NID2: variants seen among roughly 807,000 people sequenced by gnomAD.
The protein encoded by NID2 is nidogen-2.
Under a neutral mutation model 145.4 loss-of-function variants are expected in NID2, and 83 were observed. That is an observed-to-expected ratio of 0.57 (90% CI 0.48 to 0.69). The LOEUF (loss-of-function observed/expected upper bound fraction) is 0.69, where lower values mean the gene tolerates loss of function less well. Among genes scored for constraint, NID2 ranks in the 30% least tolerant of loss-of-function variants. The pLI is 0.00. For missense variants in NID2, 1,807 were observed against 1,765.7 expected, an observed-to-expected ratio of 1.02 and a Z score of -0.42; for synonymous variants, 739 against 701.3, an observed-to-expected ratio of 1.05 and a Z score of -0.85.
intron 9 of NID2, among the ~76,000 whole-genome samples, chr14:52,032,679 A>G (rs1399009545): frequency 6.6e-6 from 1 of 152,142 alleles, no homozygotes; most frequent in Non-Finnish European, 1.5e-5. Context: ...TTGATTTATA[A>G]ATACTAATGC....
At position 52,067,679 on chromosome 14, in the gene NID2, G is replaced by T. The variant is rs1361124691; in HGVS notation, c.534+179C>A. Among the ~76,000 whole-genome samples, 3 of 152,174 alleles carry T rather than the reference G, an allele frequency of 2.0e-5. No individual in the cohort carries two copies. The East Asian group carries it at 5.8e-4, about 29-fold the overall frequency. Reference sequence around the variant, plus strand: ...GTGACCACCTGCCAGGGCCTCAGAAGATGCCTAGAGACAACGTCTTTCCTC... The same window carrying T: ...GTGACCACCTGCCAGGGCCTCAGAATATGCCTAGAGACAACGTCTTTCCTC... On this transcript the variant is annotated intron_variant, in intron 2 of 21. Coordinates refer to ENST00000216286, the MANE Select transcript of NID2 (RefSeq NM_007361.4).
intron 2 of NID2, among the ~76,000 whole-genome samples, chr14:52,061,280 C>T (rs1893013576): frequency 6.6e-6 from 1 of 152,200 alleles, no homozygotes; most frequent in Non-Finnish European, 1.5e-5. Context: ...GTTCTCTGAA[C>T]CTCTGTAACA....
chr14:52,018,899 C>A (rs1251474671), intron 14 of NID2, among the ~76,000 whole-genome samples, 162 bp downstream of exon 14: 1 of 152,210 alleles, frequency 6.6e-6, no homozygotes, highest in African/African-American at 2.4e-5. Flanking sequence ...GTCCTTATGA[C>A]ACAAACATGC....
rs115253468 is a variant in NID2, at chr14:52,029,727, C to G, written c.2258-37G>C. On this transcript the variant is annotated intron_variant, in intron 9 of 21. Transcript: ENST00000216286. ...GAGGGGAAATAAAAGCACAATCTGG[C>G]TATTGGTAAGCAAATGTCACGGAGA... is the stretch of plus-strand genomic sequence containing the variant. The G allele has an allele frequency of 1.7e-3, 2,660 of 1,591,496 alleles. 34 individuals are homozygous for G. The African/African-American group carries it at 0.031, about 19-fold the overall frequency.
intron 8 of NID2, among the ~76,000 whole-genome samples, chr14:52,039,367 G>T (rs932071741): frequency 1.3e-5 from 2 of 152,162 alleles, no homozygotes; most frequent in Admixed American, 6.5e-5. Flanking sequence ...GGTAGAGCTG[G>T]AACTGAAACT....
chr14:52,038,791 CTT>C lies in NID2; in HGVS notation c.2211_2212del (p.Arg738SerfsTer3). ...ATTGGTCACAGCAAATCTAAGCACT[CTT>C]TCTTCGTCATTATACAAGGCAAAGA... On this transcript the variant is annotated frameshift_variant, in exon 9 of 22. Coordinates refer to ENST00000216286, the MANE Select transcript of NID2 (RefSeq NM_007361.4). LOFTEE classifies it high-confidence loss of function. 6.2e-7 allele frequency: 1 copy of C among 1,608,660 alleles called. No homozygotes were observed. The highest frequency in any genetic ancestry group is 2.2e-5 in the East Asian group (1 of 44,742).
At position 52,007,912 on chromosome 14, in the gene NID2, A is replaced by C. The variant is rs1020876205; in HGVS notation, c.3778T>G (p.Leu1260Val). The change falls in exon 19 of 22, where the codon TTA becomes GTA. Residue 1260 changes from leucine to valine, a missense_variant. Coordinates refer to ENST00000216286, the MANE Select transcript of NID2 (RefSeq NM_007361.4). Reference sequence around the variant, plus strand: ...AGAATTCTTCTGTTTTCTCCATCTAAAGATGACGTTTCAATTTTAGGAGCT... The same window carrying C: ...AGAATTCTTCTGTTTTCTCCATCTACAGATGACGTTTCAATTTTAGGAGCT... ...REAPKIETSS[L>V]DGENRRILIN... 13 of 1,613,674 alleles carry C rather than the reference A, an allele frequency of 8.1e-6. No homozygotes were observed. The African/African-American group carries it at 9.3e-5, about 12-fold the overall frequency.
chr14:52,040,505 CAAT>C, intron 8 of NID2, 143 bp downstream of exon 8: 2 of 679,298 alleles, frequency 2.9e-6, no homozygotes, highest in Non-Finnish European at 5.2e-6. Flanking sequence ...TTCATGGTAA[CAAT>C]AAGAGTAATA....
At chr14:52,059,444 C>T (rs1477619350) in intron 3 of NID2, among the ~76,000 whole-genome samples, 1 of 152,184 alleles carries the variant, frequency 6.6e-6, no homozygotes, top group African/African-American at 2.4e-5. Context: ...TACCTCCCCT[C>T]ACACACCCCC....
At chr14:52,008,005 T>A in intron 18 of NID2, 38 bp from the exon 19 acceptor site, 1 of 1,557,714 alleles carries the variant, frequency 6.4e-7, no homozygotes. Context: ...AGAATAGCCA[T>A]GTAGCCTGTG....
chr14:52,028,643 A>G (rs1891682777), intron 11 of NID2, 79 bp downstream of exon 11: 1 of 1,483,096 alleles, frequency 6.7e-7, no homozygotes, highest in Non-Finnish European at 9.1e-7. Flanking sequence ...GAATAGCAGA[A>G]GTCAAAACAC....
chr14:52,046,529 G>C (rs1452210242), intron 5 of NID2, among the ~76,000 whole-genome samples: 1 of 152,166 alleles, frequency 6.6e-6, no homozygotes, highest in South Asian at 2.1e-4. Flanking sequence ...AGGAGAGACA[G>C]TCTAGATATG....
At chr14:52,049,169 ATC>A (rs72027927) in intron 5 of NID2, among the ~76,000 whole-genome samples, 6,836 of 110,024 alleles carry the variant, frequency 0.062, 183 homozygotes, top group Middle Eastern at 0.11. Flanking sequence ...GATTTTTTAA[ATC>A]TCTTTTTTTT....
In NID2 at chr14:52,067,986, C is replaced by G; in HGVS notation, c.406G>C (p.Ala136Pro). The change falls in exon 2 of 22, where the codon GCC becomes CCC. Residue 136 changes from alanine to proline, a missense_variant. By Grantham distance (27) the Ala-to-Pro change is conservative (BLOSUM62 -1). Coordinates refer to ENST00000216286, the MANE Select transcript of NID2 (RefSeq NM_007361.4). ...AAGCCAGCGCGCACATAGCGGGCGG[C>G]CAGGCCCAGCACTGCGGGGGAGGTG... ...EDTSPAVLGL[A>P]ARYVRAGFPR... 6.2e-7 allele frequency: 1 copy of G among 1,611,158 alleles called. No individual in the cohort carries two copies. Among genetic ancestry groups the G allele is most frequent in the Non-Finnish European group, 8.5e-7 (1 of 1,178,660 alleles).
At chr14:52,028,877 T>C (rs767645677) in intron 10 of NID2, 27 bp from the exon 11 acceptor site, 1 of 1,612,026 alleles carries the variant, frequency 6.2e-7, no homozygotes, top group South Asian at 1.1e-5. Context: ...AGAGAAAAAT[T>C]CTGCTTAATT....
intron 18 of NID2, chr14:52,009,787 G>C (rs955302367): frequency 6.6e-6 from 1 of 152,332 alleles, no homozygotes; most frequent in African/African-American, 2.4e-5. Flanking sequence ...CCCAGGGTCA[G>C]GAGTTGGAGA....
At chr14:52,030,589 A>AAGAAAGAAAGAACGGAAGGAAGG (rs1566755757) in intron 9 of NID2, among the ~76,000 whole-genome samples, 1 of 41,280 alleles carries the variant, frequency 2.4e-5, no homozygotes, top group Non-Finnish European at 6.5e-5. Flanking sequence ...AAAGAAAGAA[A>AAGAAAGAAAGAACGGAAGGAAGG]GAAAGAAAGA....
chr14:52,005,397 C>CTTTTTTACTTTCTTTGCCTTTG lies in NID2; in HGVS notation c.*67_*88dup, dbSNP rs1379558654. On this transcript the variant is annotated 3_prime_UTR_variant, in exon 22 of 22. Transcript: ENST00000216286. ...CTCAGGAACGTCTAATGGCCAATTC[C>CTTTTTTACTTTCTTTGCCTTTG]TTTTTTACTTTCTTTGCCTTTGCAG... 16 of 1,336,440 alleles carry CTTTTTTACTTTCTTTGCCTTTG rather than the reference C, an allele frequency of 1.2e-5. No individual in the cohort carries two copies. The African/African-American group carries it at 2.3e-4, about 20-fold the overall frequency. The allele number at this position is 1,336,440 out of a possible 1,614,324, so 82.8% of individuals were successfully genotyped here. A position where few individuals can be genotyped will look rare whatever the true frequency, so the allele number is the denominator to read the frequency against.
In NID2 at chr14:52,005,196, T is replaced by TTTAAATATTAATGATAAATGTTTACA. The variant is rs1890714037; in HGVS notation, c.*264_*289dup. 2 of 292,118 alleles carry TTTAAATATTAATGATAAATGTTTACA rather than the reference T, an allele frequency of 6.8e-6. No homozygotes were observed. Among genetic ancestry groups the TTTAAATATTAATGATAAATGTTTACA allele is most frequent in the Non-Finnish European group, 1.3e-5 (2 of 158,634 alleles). The allele number at this position is 292,118 out of a possible 1,614,324, so 18.1% of individuals were successfully genotyped here. A position where few individuals can be genotyped will look rare whatever the true frequency, so the allele number is the denominator to read the frequency against. On this transcript the variant is annotated 3_prime_UTR_variant, in exon 22 of 22. Coordinates refer to ENST00000216286, the MANE Select transcript of NID2 (RefSeq NM_007361.4). Reference sequence around the variant, plus strand: ...ATTCTTAGTTGAATGAATTTGATCTTTTAAATATTAATGATAAATGTTTAC... The same window carrying TTTAAATATTAATGATAAATGTTTACA: ...ATTCTTAGTTGAATGAATTTGATCTTTTAAATATTAATGATAAATGTTTACATTAAATATTAATGATAAATGTTTAC...
Sources: allele counts gnomAD v4.1 joint callset (sites outside exome capture counted in the v4.1 genomes callset), GRCh38; gene constraint gnomAD v4.1.1; transcripts MANE v1.5; gene names NCBI Gene and HGNC (gene_info 2026-07-23, HGNC 2026-07-21).